The following ATG7 variants were observed in gnomAD, a reference collection of about 807,000 sequenced individuals.
ATG7 encodes the protein ubiquitin-like modifier-activating enzyme ATG7.
A neutral mutation model predicts 82.4 loss-of-function variants in ATG7; 70 were observed. That is an observed-to-expected ratio of 0.85 (90% CI 0.70 to 1.04). The LOEUF (loss-of-function observed/expected upper bound fraction) is 1.04. Among genes scored for constraint, ATG7 ranks in the 50% least tolerant of loss-of-function variants. The pLI, the probability that ATG7 is intolerant of heterozygous loss-of-function variation, is 0.00. For missense variants in ATG7, 792 were observed against 864.3 expected (o/e 0.92, Z 1.05); for synonymous variants, 287 against 313.0 (o/e 0.92, Z 0.88).
chr3:11,330,898 A>T (rs1420460482), intron 9 of ATG7, among the ~76,000 whole-genome samples: 1 of 152,170 alleles, frequency 6.6e-6, no homozygotes, highest in Non-Finnish European at 1.5e-5. Flanking sequence ...CTGGCTGTTT[A>T]ACTTGATCTG....
intron 20 of ATG7, among the ~76,000 whole-genome samples, chr3:11,486,599 C>A (rs2089680279): frequency 6.6e-6 from 1 of 151,696 alleles, no homozygotes. Context: ...TGAGAGAGGG[C>A]ATCCCTGTCT....
intron 20 of ATG7, among the ~76,000 whole-genome samples, chr3:11,511,778 C>T (rs895660172): frequency 5.9e-5 from 9 of 152,186 alleles, no homozygotes; most frequent in African/African-American, 9.6e-5. Context: ...AAATCGAGCA[C>T]AGCACCGGTG....
At chr3:11,564,590 G>T in the ATG7 span, among the ~76,000 whole-genome samples, 1 of 149,862 alleles carries the variant, frequency 6.7e-6, no homozygotes, top group African/African-American at 2.5e-5. Context: ...GTCTGGGCAG[G>T]AAGTAAAAGC....
chr3:11,406,103 C>G (rs1393884585), intron 19 of ATG7, among the ~76,000 whole-genome samples: 1 of 151,992 alleles, frequency 6.6e-6, no homozygotes, highest in Non-Finnish European at 1.5e-5. Context: ...GATCCTCTCA[C>G]CTCAGTCTCC....
chr3:11,511,932 G>A lies in ATG7; in HGVS notation c.2080-42879G>A, dbSNP rs183920623. On this transcript the variant is annotated intron_variant, in intron 20 of 20. Transcript: ENST00000693202. ...CCCACACCCACCCAGAACTCCAGCTGGCCTGCAAGCGCCGCATGCAGCCCT... is the reference window on the plus strand; with the variant it reads ...CCCACACCCACCCAGAACTCCAGCTAGCCTGCAAGCGCCGCATGCAGCCCT... Among the ~76,000 whole-genome samples, 322 of 152,222 alleles carry A rather than the reference G, an allele frequency of 2.1e-3. 1 individual carries two copies. Among genetic ancestry groups the A allele is most frequent in the African/African-American group, 7.4e-3 (307 of 41,550 alleles).
intron 20 of ATG7, among the ~76,000 whole-genome samples, chr3:11,521,848 G>A (rs886962365): frequency 2.0e-5 from 3 of 151,858 alleles, no homozygotes; most frequent in Non-Finnish European, 4.4e-5. Flanking sequence ...CACCACGCCC[G>A]GCCCCAGCCC....
intron 20 of ATG7, among the ~76,000 whole-genome samples, chr3:11,462,867 T>G (rs1377366820): frequency 6.7e-6 from 1 of 148,268 alleles, no homozygotes; most frequent in Non-Finnish European, 1.5e-5. Flanking sequence ...ATTTATTTAT[T>G]TATTTATTTA....
intron 20 of ATG7, among the ~76,000 whole-genome samples, chr3:11,496,358 T>C (rs936311189): frequency 1.3e-5 from 2 of 152,144 alleles, no homozygotes; most frequent in Non-Finnish European, 2.9e-5. Flanking sequence ...CATAAACTCA[T>C]TGAGGGAAGT....
intron 14 of ATG7, among the ~76,000 whole-genome samples, chr3:11,354,787 A>G (rs1438551572): frequency 6.6e-6 from 1 of 152,292 alleles, no homozygotes; most frequent in Non-Finnish European, 1.5e-5. Context: ...AAACAATTAC[A>G]CGCTGGGACA....
intron 20 of ATG7, among the ~76,000 whole-genome samples, chr3:11,475,868 G>GACACACACACACACACACACACACAC (rs3219674): frequency 2.3e-4 from 26 of 111,194 alleles, no homozygotes; most frequent in East Asian, 1.1e-3. Flanking sequence ...CTGTCTCTGA[G>GACACACACACACACACACACACACAC]ACACACACAC....
At chr3:11,541,123 A>G (rs2070796711) in intron 20 of ATG7, among the ~76,000 whole-genome samples, 2 of 152,076 alleles carry the variant, frequency 1.3e-5, no homozygotes, top group African/African-American at 2.4e-5. Context: ...GATGGTCTCG[A>G]TCTCCTGACT....
chr3:11,404,731 G>C (rs1187446973), intron 19 of ATG7, among the ~76,000 whole-genome samples: 1 of 152,060 alleles, frequency 6.6e-6, no homozygotes. Context: ...TCACAATCAT[G>C]GTGGAAAGCA....
chr3:11,514,279 G>T (rs945327741), intron 20 of ATG7, among the ~76,000 whole-genome samples: 13 of 152,200 alleles, frequency 8.5e-5, no homozygotes, highest in Non-Finnish European at 1.0e-4. Flanking sequence ...CATCTACTAA[G>T]CAAACTGTTT....
downstream of ATG7, among the ~76,000 whole-genome samples, chr3:11,560,521 T>C (rs1485112924): frequency 3.3e-5 from 5 of 152,072 alleles, no homozygotes; most frequent in East Asian, 5.8e-4. Flanking sequence ...CAGTAGCTGG[T>C]ATAAAGACAC....
Position 11,358,476 on chromosome 3 carries a change from G to C in ATG7, c.1343G>C (p.Ser448Thr). 2 of 1,614,104 alleles carry C rather than the reference G, an allele frequency of 1.2e-6. No homozygotes were observed. Among genetic ancestry groups the C allele is most frequent in the Admixed American group, 3.3e-5 (2 of 60,032 alleles). Residue 448 changes from serine (S) to threonine (T), a missense_variant, in exon 15 of 21, where the codon AGT (serine) becomes ACT (threonine). Physicochemically the swap from Ser to Thr is moderately conservative, Grantham distance 58. Transcript: ENST00000693202. Reference sequence around the variant, plus strand: ...CCTGGGCATCCAGTGAACTTCTCCAGTGTCACTCTGGAGCAAGCCCGCAGA... The same window carrying C: ...CCTGGGCATCCAGTGAACTTCTCCACTGTCACTCTGGAGCAAGCCCGCAGA... ...PMPGHPVNFS[S>T]VTLEQARRDV...
At chr3:11,403,441 A>G (rs2080039200) in intron 19 of ATG7, among the ~76,000 whole-genome samples, 2 of 152,090 alleles carry the variant, frequency 1.3e-5, no homozygotes, top group African/African-American at 4.8e-5. Flanking sequence ...GTTTGTGTTC[A>G]GAGAAAATCT....
intron 20 of ATG7, among the ~76,000 whole-genome samples, chr3:11,526,591 A>G (rs2092584547): frequency 6.6e-6 from 1 of 152,226 alleles, no homozygotes. Context: ...TATGTTGATT[A>G]TATTCCACCA....
rs1049041745 is a variant in ATG7, at chr3:11,308,585, C to G, written c.334-399C>G. 3 of 186,278 alleles carry G rather than the reference C, an allele frequency of 1.6e-5. No individual in the cohort carries two copies. In the Admixed American group the frequency reaches 1.7e-4, roughly 10 times the overall value. The allele number at this position is 186,278 out of a possible 1,614,324, so 11.5% of individuals were successfully genotyped here. A position where few individuals can be genotyped will look rare whatever the true frequency, so the allele number is the denominator to read the frequency against. On this transcript the variant is annotated intron_variant, in intron 6 of 20. Transcript: ENST00000693202. The stretch of plus-strand genomic sequence containing the variant: ...TGAAGTTATACATTTACGCCAGTCT[C>G]TCTATCTAGACTGCGAGTGTCTTGA...
chr3:11,340,815 A>G, intron 12 of ATG7, 80 bp downstream of exon 12: 1 of 1,301,890 alleles, frequency 7.7e-7, no homozygotes. Context: ...CCAACACAAC[A>G]TTGTGTAATT....
Sources: allele counts gnomAD v4.1 joint callset (sites outside exome capture counted in the v4.1 genomes callset), GRCh38; gene constraint gnomAD v4.1.1; transcripts MANE v1.5; gene names NCBI Gene and HGNC (gene_info 2026-07-23, HGNC 2026-07-21).